The following TRABD2B variants were observed in gnomAD, a reference collection of about 807,000 sequenced individuals.
TRABD2B encodes metalloprotease TIKI2.
TRABD2B carries 14 observed loss-of-function variants against 40.1 expected under a neutral mutation model. That is an observed-to-expected ratio of 0.35 (90% CI 0.23 to 0.55). The LOEUF is 0.55. Ranked by LOEUF, TRABD2B falls within the 20% of genes least tolerant of loss-of-function variation. The pLI is 0.90. For missense variants in TRABD2B, 541 were observed against 648.6 expected, an observed-to-expected ratio of 0.83 and a Z score of 1.80; for synonymous variants, 263 against 277.0, an observed-to-expected ratio of 0.95 and a Z score of 0.50.
intron 2 of TRABD2B, among the ~76,000 whole-genome samples, chr1:47,971,332 T>G (rs995024423): frequency 1.3e-5 from 2 of 152,256 alleles, no homozygotes; most frequent in African/African-American, 4.8e-5. Context: ...ACCTTCTGAA[T>G]GTCAGCTCTC....
intron 3 of TRABD2B, among the ~76,000 whole-genome samples, chr1:47,796,106 T>C (rs1183433621): frequency 6.6e-6 from 1 of 152,236 alleles, no homozygotes; most frequent in Non-Finnish European, 1.5e-5. Context: ...TGTGTTCTTC[T>C]ATTCCCAACA....
chr1:47,877,157 G>A (rs1346417504), intron 2 of TRABD2B, among the ~76,000 whole-genome samples: 1 of 151,924 alleles, frequency 6.6e-6, no homozygotes, highest in South Asian at 2.1e-4. Flanking sequence ...AATACAAGCA[G>A]GGGCCCAAAG....
chr1:47,773,828 C>T (rs528941968), intron 6 of TRABD2B, among the ~76,000 whole-genome samples: 1 of 152,298 alleles, frequency 6.6e-6, no homozygotes, highest in South Asian at 2.1e-4. Flanking sequence ...GAAACCAATG[C>T]CCAAAGGATC....
At chr1:47,876,979 C>T (rs2124611341) in intron 2 of TRABD2B, among the ~76,000 whole-genome samples, 1 of 152,198 alleles carries the variant, frequency 6.6e-6, no homozygotes, top group East Asian at 1.9e-4. Context: ...ATGCATGGCC[C>T]CTTTCACATT....
At chr1:47,900,327 G>A (rs564237130) in intron 2 of TRABD2B, among the ~76,000 whole-genome samples, 5 of 152,188 alleles carry the variant, frequency 3.3e-5, no homozygotes, top group Admixed American at 3.3e-4. Context: ...ACGACTTCAG[G>A]AGAGAGTGCT....
At chr1:47,852,953 T>C (rs1643841546) in intron 2 of TRABD2B, among the ~76,000 whole-genome samples, 1 of 150,436 alleles carries the variant, frequency 6.6e-6, no homozygotes, top group South Asian at 2.1e-4. Context: ...TCTCTTTGAT[T>C]GGGTTTAAGA....
At chr1:47,938,834 A>G (rs549616717) in intron 2 of TRABD2B, among the ~76,000 whole-genome samples, 1 of 152,206 alleles carries the variant, frequency 6.6e-6, no homozygotes, top group African/African-American at 2.4e-5. Context: ...TTCTTCTGGA[A>G]GCAGGGATTT....
intron 2 of TRABD2B, among the ~76,000 whole-genome samples, chr1:47,982,044 G>C (rs58098664): frequency 0.043 from 6,529 of 152,180 alleles, 476 homozygotes; most frequent in African/African-American, 0.15. Flanking sequence ...AGAGTAGTGG[G>C]AGACCACAGT....
chr1:47,771,328 C>G (rs1274029254), intron 6 of TRABD2B, among the ~76,000 whole-genome samples: 2 of 152,222 alleles, frequency 1.3e-5, no homozygotes, highest in Admixed American at 1.3e-4. Flanking sequence ...GCACCCCCTC[C>G]CCCTGCATGG....
intron 2 of TRABD2B, among the ~76,000 whole-genome samples, chr1:47,963,904 C>A (rs1283233373): frequency 6.6e-6 from 1 of 152,214 alleles, no homozygotes; most frequent in Non-Finnish European, 1.5e-5. Flanking sequence ...AGGAGCTCAA[C>A]AAACATGTGA....
At chr1:47,797,476 CG>C (rs1644763919) in intron 3 of TRABD2B, among the ~76,000 whole-genome samples, 1 of 152,180 alleles carries the variant, frequency 6.6e-6, no homozygotes, top group African/African-American at 2.4e-5. Context: ...AACCTGAACA[CG>C]GGTCCAGCCC....
chr1:47,815,798 G>GAGATAGATAGAT (rs6143214), intron 2 of TRABD2B, among the ~76,000 whole-genome samples: 15 of 149,130 alleles, frequency 1.0e-4, no homozygotes, highest in Admixed American at 6.0e-4. Flanking sequence ...GATGGTGACA[G>GAGATAGATAGAT]AGATAGATAG....
intron 6 of TRABD2B, among the ~76,000 whole-genome samples, chr1:47,768,162 A>G (rs1188975998): frequency 6.6e-6 from 1 of 152,148 alleles, no homozygotes; most frequent in Non-Finnish European, 1.5e-5. Context: ...TCTGGCCTTC[A>G]GCACCCCCTG....
chr1:47,986,506 T>C (rs773238891), intron 2 of TRABD2B, among the ~76,000 whole-genome samples: 2 of 152,142 alleles, frequency 1.3e-5, no homozygotes, highest in Non-Finnish European at 2.9e-5. Flanking sequence ...ATAAACAAAA[T>C]ATATAAGTGC....
chr1:47,808,291 C>CGTGT (rs57152316), intron 2 of TRABD2B, among the ~76,000 whole-genome samples: 11 of 150,548 alleles, frequency 7.3e-5, no homozygotes, highest in South Asian at 2.1e-4. Flanking sequence ...ACCAACACTA[C>CGTGT]GTGTGTGTGT....
Position 47,775,242 on chromosome 1 carries a change from T to A in TRABD2B, c.1277A>T (p.Lys426Met), listed in dbSNP as rs779460962. Residue 426 changes from lysine to methionine, a missense_variant, in exon 6 of 7, where the codon AAG (lysine) becomes ATG (methionine). Physicochemically the swap from Lys to Met is moderately conservative, Grantham distance 95 (BLOSUM62 -1). This residue lies in a region of TRABD2B where 172 missense variants were observed against 155.8 expected (regional missense o/e 1.10). Coordinates refer to ENST00000606738, the MANE Select transcript of TRABD2B (RefSeq NM_001194986.2). ...SQLEEFGRQRKWHKRQSTHQR... is the reference protein window; with the variant it reads ...SQLEEFGRQRMWHKRQSTHQR... ...GTGTGTGCTCTGCCTCTTGTGCCAC[T>A]TCCTCTGCCGGCCAAACTCCTCCAG... The A allele has an allele frequency of 1.1e-5, 14 of 1,254,052 alleles. No homozygotes were observed. In the South Asian group the frequency reaches 4.3e-4, roughly 38 times the overall value. The allele number at this position is 1,254,052 out of a possible 1,614,324, so 77.7% of individuals were successfully genotyped here. A position where few individuals can be genotyped will look rare whatever the true frequency, so the allele number is the denominator to read the frequency against.
chr1:47,976,916 A>G (rs1042840731), intron 2 of TRABD2B, among the ~76,000 whole-genome samples: 3 of 152,198 alleles, frequency 2.0e-5, no homozygotes, highest in African/African-American at 7.2e-5. Flanking sequence ...CAGTGGTAAC[A>G]CCTTACATAA....
chr1:47,898,801 G>C (rs965291254), intron 2 of TRABD2B, among the ~76,000 whole-genome samples: 1 of 152,096 alleles, frequency 6.6e-6, no homozygotes, highest in African/African-American at 2.4e-5. Context: ...ACCATATTTT[G>C]CCATCTAACA....
chr1:47,978,150 A>ACATGAAT (rs1348973736), intron 2 of TRABD2B, among the ~76,000 whole-genome samples: 1 of 152,146 alleles, frequency 6.6e-6, no homozygotes, highest in African/African-American at 2.4e-5. Context: ...AGCGGAGCCC[A>ACATGAAT]CATGAATAGT....
Sources: allele counts gnomAD v4.1 joint callset (sites outside exome capture counted in the v4.1 genomes callset), GRCh38; gene constraint gnomAD v4.1.1; regional missense constraint gnomAD v4.1.1; transcripts MANE v1.5; gene names NCBI Gene and HGNC (gene_info 2026-07-23, HGNC 2026-07-21).